Variants in RNF125 observed in about 807,000 individuals in gnomAD.
The protein encoded by RNF125 is E3 ubiquitin-protein ligase RNF125.
Under a neutral mutation model 26.0 loss-of-function variants are expected in RNF125, and 21 were observed. The observed-to-expected ratio is 0.81, with a 90% CI of 0.57 to 1.16. The LOEUF (loss-of-function observed/expected upper bound fraction) is 1.16. RNF125 is among the 50% of genes most tolerant of loss of function. The pLI is 0.00. For missense variants in RNF125, 270 were observed against 299.4 expected (o/e 0.90, Z 0.72); for synonymous variants, 95 against 109.2 (o/e 0.87, Z 0.81).
At chr18:32,078,198 T>C (rs201331316), downstream of RNF125, among the ~76,000 whole-genome samples, 34 of 152,350 alleles carry the variant, frequency 2.2e-4, no homozygotes, top group East Asian at 3.3e-3. Flanking sequence ...GATAGCGGTA[T>C]AACTTACACA....
intron 1 of RNF125, chr18:32,031,250 A>G (rs958056262): frequency 1.3e-5 from 2 of 151,812 alleles, no homozygotes; most frequent in African/African-American, 4.8e-5. Context: ...TTGAGGCCCT[A>G]CCCAAACTGT....
At chr18:32,079,705 T>C in the RNF125 span, among the ~76,000 whole-genome samples, 1 of 152,220 alleles carries the variant, frequency 6.6e-6, no homozygotes, top group Admixed American at 6.5e-5. Context: ...CCAGATGCAT[T>C]CCTTCTCTTT....
At chr18:32,064,401 T>TTTTTC (rs1555694465) in intron 4 of RNF125, among the ~76,000 whole-genome samples, 9 of 121,454 alleles carry the variant, frequency 7.4e-5, no homozygotes, top group Non-Finnish European at 1.1e-4. Flanking sequence ...TTTTTCTTTT[T>TTTTTC]TTTTTTTTTT....
Position 32,069,499 on chromosome 18 carries a change from A to G in RNF125, c.*1115A>G, listed in dbSNP as rs2039514924. The stretch of plus-strand genomic sequence containing the variant: ...TGTAACATTTTAAAAATTATGAAAT[A>G]AAAGTACTGAAAACCAGACACAAAA... On this transcript the variant is annotated 3_prime_UTR_variant, in exon 6 of 6. Transcript: ENST00000217740. The G allele has an allele frequency of 1.3e-5, 2 of 152,192 alleles. No individual in the cohort carries two copies. The highest frequency in any genetic ancestry group is 4.8e-5 in the African/African-American group (2 of 41,450). 9.4% of individuals were successfully genotyped at this position (152,192 alleles called of 1,614,324 possible).
intron 4 of RNF125, among the ~76,000 whole-genome samples, chr18:32,053,637 A>AATTAGCCAGGCACACG (rs2039350670): frequency 6.8e-6 from 1 of 147,118 alleles, no homozygotes; most frequent in Non-Finnish European, 1.5e-5. Flanking sequence ...AATTTTTAAA[A>AATTAGCCAGGCACACG]ATTAGCCAGG....
chr18:32,050,922 A>C (rs1029433525), intron 4 of RNF125, among the ~76,000 whole-genome samples: 2 of 95,694 alleles, frequency 2.1e-5, no homozygotes, highest in East Asian at 3.6e-4. Flanking sequence ...TTTCATCATC[A>C]TGTTGCCCAG....
the RNF125 span, among the ~76,000 whole-genome samples, chr18:32,090,020 C>T: frequency 6.6e-6 from 1 of 152,132 alleles, no homozygotes; most frequent in Non-Finnish European, 1.5e-5. Context: ...CCAAGGTGGG[C>T]GGATCGCTGG....
the RNF125 span, among the ~76,000 whole-genome samples, chr18:32,083,088 G>A: frequency 2.0e-5 from 3 of 152,186 alleles, no homozygotes; most frequent in African/African-American, 7.2e-5. Context: ...ATTCTGTCCA[G>A]CAACAGATGG....
chr18:32,027,343 G>A (rs919652138), intron 1 of RNF125, among the ~76,000 whole-genome samples: 3 of 151,822 alleles, frequency 2.0e-5, no homozygotes, highest in Non-Finnish European at 4.4e-5. Flanking sequence ...AAATCTTGCC[G>A]AGGGAGTTTC....
intron 1 of RNF125, among the ~76,000 whole-genome samples, chr18:32,035,798 T>C (rs1471392511): frequency 6.6e-6 from 1 of 152,212 alleles, no homozygotes; most frequent in Non-Finnish European, 1.5e-5. Flanking sequence ...GTTTGAAAAG[T>C]ATAATTTTCA....
chr18:32,020,002 C>CTCTGTG lies in RNF125; in HGVS notation c.164+976_164+977insCTGTGT, dbSNP rs1223003001. ...GCTGTGAATTTGTGCTCTCTGTTTACTGTGTGTGTGTGTGTGTGTGTGTGT... is the reference window on the plus strand; with the variant it reads ...GCTGTGAATTTGTGCTCTCTGTTTACTCTGTGTGTGTGTGTGTGTGTGTGTGTGTGT... On this transcript the variant is annotated intron_variant, in intron 1 of 5. Transcript: ENST00000217740. Among the ~76,000 whole-genome samples the CTCTGTG allele has an allele frequency of 4.2e-3, 625 of 150,006 alleles. 2 individuals carry two copies. Among genetic ancestry groups the CTCTGTG allele is most frequent in the Non-Finnish European group, 6.7e-3 (452 of 67,460 alleles).
chr18:32,020,198 C>T (rs2038973868), intron 1 of RNF125, among the ~76,000 whole-genome samples: 1 of 152,000 alleles, frequency 6.6e-6, no homozygotes, highest in Non-Finnish European at 1.5e-5. Context: ...CAGGCGCCCA[C>T]CCCCACACCC....
chr18:32,090,640 G>C, the RNF125 span, among the ~76,000 whole-genome samples: 6 of 152,104 alleles, frequency 3.9e-5, no homozygotes, highest in African/African-American at 1.4e-4. Context: ...ATCGTTTAAT[G>C]CAAAATTTAA....
At chr18:32,078,610 A>C in the RNF125 span, among the ~76,000 whole-genome samples, 1 of 152,154 alleles carries the variant, frequency 6.6e-6, no homozygotes, top group South Asian at 2.1e-4. Context: ...ATTGCACTCC[A>C]GCCTGGGCAA....
intron 4 of RNF125, among the ~76,000 whole-genome samples, chr18:32,050,946 C>A (rs56207971): frequency 0.13 from 15,566 of 117,900 alleles, 962 homozygotes; most frequent in Middle Eastern, 0.18. Context: ...GAGTCTCGAA[C>A]TTGTGAGCTC....
At chr18:32,039,221 C>T (rs1454854723) in intron 2 of RNF125, among the ~76,000 whole-genome samples, 2 of 151,738 alleles carry the variant, frequency 1.3e-5, no homozygotes, top group East Asian at 4.0e-4. Flanking sequence ...GGGAAGAGAC[C>T]TTGTCTCTAC....
At chr18:32,024,201 TTTTTTTTC>T (rs1416141638) in intron 1 of RNF125, among the ~76,000 whole-genome samples, 2 of 93,676 alleles carry the variant, frequency 2.1e-5, no homozygotes, top group African/African-American at 9.7e-5. Flanking sequence ...TCTTTTTTTT[TTTTTTTTC>T]TTTTTTTTTT....
At chr18:32,028,297 TAAAAAAAAA>T (rs1156859954) in intron 1 of RNF125, among the ~76,000 whole-genome samples, 32 of 72,396 alleles carry the variant, frequency 4.4e-4, no homozygotes, top group African/African-American at 1.6e-3. Context: ...GACTCCGTCT[TAAAAAAAAA>T]AAAAAAAAAA....
chr18:32,062,619 GAA>G (rs1341639020), intron 4 of RNF125, among the ~76,000 whole-genome samples: 8 of 151,968 alleles, frequency 5.3e-5, no homozygotes, highest in Admixed American at 3.3e-4. Context: ...CAATAAGAAA[GAA>G]AAGAAATATA....
Sources: gnomAD v4.1 joint callset for allele counts (sites outside exome capture counted in the v4.1 genomes callset) on GRCh38, gnomAD v4.1.1 for gene constraint, MANE v1.5 for transcripts, NCBI Gene and HGNC (gene_info 2026-07-23, HGNC 2026-07-21) for gene names.